The following SFXN1 variants were observed in gnomAD, a reference collection of about 807,000 sequenced individuals.
SFXN1 encodes sideroflexin-1.
A neutral mutation model predicts 39.5 loss-of-function variants in SFXN1; 32 were observed. The ratio of observed to expected loss-of-function variants is 0.81; its 90% confidence interval spans 0.61 to 1.09. The LOEUF is 1.09. Ranked by LOEUF, SFXN1 falls within the 50% of genes least tolerant of loss-of-function variation. The pLI is 0.00. For missense variants in SFXN1, 402 were observed against 407.1 expected (o/e 0.99, Z 0.11); for synonymous variants, 136 against 146.5 (o/e 0.93, Z 0.52).
chr5:175,508,008 CT>C (rs1377824221), intron 2 of SFXN1, among the ~76,000 whole-genome samples: 3 of 151,118 alleles, frequency 2.0e-5, no homozygotes, highest in African/African-American at 7.3e-5. Flanking sequence ...CCTGAACTAG[CT>C]TTTCATTCTA....
At chr5:175,511,863 C>CT (rs368468501) in intron 5 of SFXN1, among the ~76,000 whole-genome samples, 32,256 of 130,692 alleles carry the variant, frequency 0.25, 4,212 homozygotes, top group African/African-American at 0.42. Flanking sequence ...CTCTCTCTCT[C>CT]CCCACTCCAA....
intron 2 of SFXN1, among the ~76,000 whole-genome samples, chr5:175,504,525 A>G (rs968769428): frequency 6.6e-6 from 1 of 151,710 alleles, no homozygotes; most frequent in African/African-American, 2.4e-5. Context: ...CAGTGAGCCA[A>G]CATTGCATAA....
chr5:175,495,531 C>A (rs994802911), intron 2 of SFXN1, among the ~76,000 whole-genome samples: 4 of 152,046 alleles, frequency 2.6e-5, no homozygotes, highest in Non-Finnish European at 4.4e-5. Context: ...GAGTTTGAGA[C>A]CAGCCTGACC....
intron 2 of SFXN1, among the ~76,000 whole-genome samples, chr5:175,497,035 A>G (rs2652168): frequency 0.28 from 41,925 of 151,698 alleles, 6,065 homozygotes; most frequent in South Asian, 0.44. Flanking sequence ...AATTACAGGC[A>G]CCTGCCATCA....
At chr5:175,489,547 G>A (rs1759581349) in intron 1 of SFXN1, among the ~76,000 whole-genome samples, 1 of 152,134 alleles carries the variant, frequency 6.6e-6, no homozygotes, top group Admixed American at 6.5e-5. Flanking sequence ...AGTCATGTCT[G>A]CATACAATGA....
chr5:175,520,426 G>A (rs144298454), intron 8 of SFXN1, among the ~76,000 whole-genome samples: 1 of 152,124 alleles, frequency 6.6e-6, no homozygotes, highest in Non-Finnish European at 1.5e-5. Context: ...TTGCAAGGTA[G>A]GGGTGAATAA....
chr5:175,504,979 C>T (rs188343572), intron 2 of SFXN1, among the ~76,000 whole-genome samples: 6 of 152,192 alleles, frequency 3.9e-5, no homozygotes, highest in Admixed American at 1.3e-4. Context: ...CCACCTGCCT[C>T]GGTCTCCCAA....
chr5:175,516,703 A>T (rs751427244), intron 8 of SFXN1, 40 bp downstream of exon 8: 2 of 1,595,200 alleles, frequency 1.3e-6, no homozygotes, highest in African/African-American at 2.7e-5. Context: ...AACCCTTTTT[A>T]TTTCTTTTCA....
rs550806150 is a variant in SFXN1 at position 175,512,217 on chromosome 5, T to C, written c.596+21T>C. 37 of 1,599,532 alleles carry C rather than the reference T, an allele frequency of 2.3e-5. 2 individuals carry two copies. The South Asian group carries it at 4.0e-4, about 17-fold the overall frequency. ...CAAAGGTAAGACGAATATGCACTCT[T>C]AGTAGGGACATGTGCTTGACAGGAG... On this transcript the variant is annotated intron_variant, in intron 6 of 10. Transcript: ENST00000321442.
chr5:175,482,676 C>T (rs1423797211), intron 1 of SFXN1, among the ~76,000 whole-genome samples: 1 of 152,160 alleles, frequency 6.6e-6, no homozygotes, highest in African/African-American at 2.4e-5. Context: ...TTATACTCTT[C>T]AGTTTGCTGA....
chr5:175,492,133 C>T lies in SFXN1; in HGVS notation c.30C>T (p.Asn10=), dbSNP rs770783108. 5.0e-6 allele frequency: 8 copies of T among 1,613,816 alleles called. No homozygotes were observed. The highest frequency in any genetic ancestry group is 6.8e-6 in the Non-Finnish European group (8 of 1,179,934). MSGELPPNI[N]IKEPRWDQST... ...CTGGAGAACTACCACCAAACATTAA[C>T]ATCAAGGAACCTCGATGGGATCAAA... The change falls in exon 2 of 11, where the codon AAC becomes AAT. Residue 10 remains asparagine, a synonymous_variant. Coordinates refer to ENST00000321442, the MANE Select transcript of SFXN1 (RefSeq NM_022754.7).
intron 4 of SFXN1, 152 bp from the exon 5 acceptor site, chr5:175,511,299 C>G: frequency 3.3e-6 from 2 of 609,124 alleles, no homozygotes; most frequent in African/African-American, 1.9e-5. Context: ...TCTAGATTCC[C>G]CTACTTGTGG....
chr5:175,501,086 T>TTTTTTTA (rs1491535336), intron 2 of SFXN1, among the ~76,000 whole-genome samples: 1 of 118,622 alleles, frequency 8.4e-6, no homozygotes, highest in African/African-American at 3.3e-5. Flanking sequence ...TTTTTTTTTT[T>TTTTTTTA]GAGACAGAGT....
rs191820263 is a variant in SFXN1, at chr5:175,492,052, C to T, written c.-9-43C>T. On this transcript the variant is annotated intron_variant, in intron 1 of 10. Coordinates refer to ENST00000321442, the MANE Select transcript of SFXN1 (RefSeq NM_022754.7). ...TGTAAAGTTTCTAAATACGTAGTGA[C>T]ATTGTAAGCCTTACACGAACTTGCC... The T allele has an allele frequency of 5.1e-4, 763 of 1,493,104 alleles. 2 individuals are homozygous for T. Among genetic ancestry groups the T allele is most frequent in the Non-Finnish European group, 5.9e-4 (649 of 1,101,312 alleles). 92.5% of individuals were successfully genotyped at this position (1,493,104 alleles called of 1,614,324 possible).
chr5:175,495,655 G>A (rs1759829844), intron 2 of SFXN1, among the ~76,000 whole-genome samples: 1 of 151,726 alleles, frequency 6.6e-6, no homozygotes, highest in Non-Finnish European at 1.5e-5. Context: ...CTAGAACCCG[G>A]GAGGCGGAGG....
In SFXN1 at chr5:175,526,778, T is replaced by C. The variant is rs1484330253; in HGVS notation, c.*44T>C. 5 of 1,511,286 alleles carry C rather than the reference T, an allele frequency of 3.3e-6. No individual in the cohort carries two copies. The highest frequency in any genetic ancestry group is 9.2e-7 in the Non-Finnish European group (1 of 1,087,394). 93.6% of individuals were successfully genotyped at this position (1,511,286 alleles called of 1,614,324 possible). ...GCAGCTCATTCTGCCACTGCAAAGCTGGTGTAGCCATGCTGGTGAGAAAAA... is the reference window on the plus strand; with the variant it reads ...GCAGCTCATTCTGCCACTGCAAAGCCGGTGTAGCCATGCTGGTGAGAAAAA... On this transcript the variant is annotated 3_prime_UTR_variant, in exon 11 of 11. Transcript: ENST00000321442.
Position 175,509,056 on chromosome 5 carries a change from T to TA in SFXN1, c.190dup (p.Thr64AsnfsTer4). The stretch of plus-strand genomic sequence containing the variant: ...GGCAAGGAATTGTTCCTCCTGGTCT[T>TA]ACAGAAAATGAATTGTGGAGAGCAA... On this transcript the variant is annotated frameshift_variant, in exon 3 of 11. Transcript: ENST00000321442. LOFTEE classifies it high-confidence loss of function. 1 of 1,610,014 alleles carries TA rather than the reference T, an allele frequency of 6.2e-7. No individual in the cohort carries two copies. The highest frequency in any genetic ancestry group is 8.5e-7 in the Non-Finnish European group (1 of 1,178,540).
chr5:175,492,171 G>T lies in SFXN1; in HGVS notation c.68G>T (p.Gly23Val), dbSNP rs1759681078. Reference protein sequence around the residue: ...EPRWDQSTFIGRANHFFTVTD... With the variant: ...EPRWDQSTFIVRANHFFTVTD... ...CGATGGGATCAAAGCACTTTCATTGGACGAGCCAATCATTTCTTCACTGTA... is the reference window on the plus strand; with the variant it reads ...CGATGGGATCAAAGCACTTTCATTGTACGAGCCAATCATTTCTTCACTGTA... Residue 23 changes from glycine (G) to valine (V), a missense_variant, in exon 2 of 11, where the codon GGA (glycine) becomes GTA (valine). Gly to Val is a moderately radical substitution (Grantham distance 109). Transcript: ENST00000321442. The T allele has an allele frequency of 6.2e-7, 1 of 1,613,920 alleles. No homozygotes were observed. Among genetic ancestry groups the T allele is most frequent in the Non-Finnish European group, 8.5e-7 (1 of 1,179,992 alleles).
At chr5:175,482,193 C>G (rs139096944) in intron 1 of SFXN1, among the ~76,000 whole-genome samples, 294 of 152,260 alleles carry the variant, frequency 1.9e-3, no homozygotes, top group African/African-American at 6.7e-3. Context: ...AGTGACTGAC[C>G]GGCTGTCTCA....
Sources: allele counts gnomAD v4.1 joint callset (sites outside exome capture counted in the v4.1 genomes callset), GRCh38; gene constraint gnomAD v4.1.1; transcripts MANE v1.5; gene names NCBI Gene and HGNC (gene_info 2026-07-23, HGNC 2026-07-21).